The following ASIC2 variants were observed in gnomAD, a reference collection of about 807,000 sequenced individuals.
The protein encoded by ASIC2 is acid sensing ion channel subunit 2.
Under a neutral mutation model 57.3 loss-of-function variants are expected in ASIC2, and 25 were observed. The observed-to-expected ratio is 0.44, with a 90% CI of 0.32 to 0.61. The LOEUF is 0.61. Ranked by LOEUF, ASIC2 falls within the 20% of genes least tolerant of loss-of-function variation. ASIC2 has a pLI of 0.06. For synonymous variants in ASIC2, 319 were observed against 307.5 expected (o/e 1.04, Z -0.39); for missense variants, 641 against 738.1 (o/e 0.87, Z 1.52).
chr17:33,089,282 G>T (rs1339270113), intron 2 of ASIC2, among the ~76,000 whole-genome samples: 1 of 152,166 alleles, frequency 6.6e-6, no homozygotes, highest in African/African-American at 2.4e-5. Flanking sequence ...GAGGCAGGAG[G>T]ATCAAGGTCA....
At position 33,690,743 on chromosome 17, in the gene ASIC2, G is replaced by GTTT. The variant is rs527881591; in HGVS notation, c.555+465232_555+465234dup. On this transcript the variant is annotated intron_variant, in intron 1 of 9. Transcript: ENST00000359872. ...GTAATCTAGACAGTTACTCTTCATT[G>GTTT]TTTTTTTTTTTTTTTTTTTTTTTTG... Among the ~76,000 whole-genome samples the GTTT allele has an allele frequency of 4.2e-3, 340 of 81,686 alleles. 5 individuals carry two copies. Among genetic ancestry groups the GTTT allele is most frequent in the Non-Finnish European group, 5.5e-3 (255 of 46,100 alleles). 53.6% of individuals were successfully genotyped at this position (81,686 alleles called of 152,430 possible).
chr17:34,138,869 A>G (rs1598044388), intron 1 of ASIC2, among the ~76,000 whole-genome samples: 2 of 152,218 alleles, frequency 1.3e-5, no homozygotes, highest in South Asian at 4.1e-4. Flanking sequence ...CACCTAGGCA[A>G]TGATCACACA....
At chr17:33,074,074 C>G (rs979237109) in intron 3 of ASIC2, among the ~76,000 whole-genome samples, 1 of 152,178 alleles carries the variant, frequency 6.6e-6, no homozygotes, top group African/African-American at 2.4e-5. Context: ...TGGCTCTAGC[C>G]TCCGAGGCTC....
chr17:34,087,687 T>C, intron 1 of ASIC2, among the ~76,000 whole-genome samples: 1 of 151,260 alleles, frequency 6.6e-6, no homozygotes. Context: ...CAATCAGACG[T>C]AGATTTGGTC....
intron 1 of ASIC2, among the ~76,000 whole-genome samples, chr17:33,777,302 A>T (rs920606412): frequency 6.6e-5 from 10 of 152,252 alleles, no homozygotes; most frequent in Non-Finnish European, 1.3e-4. Context: ...GCATGTGTAT[A>T]AGCCATAATG....
At chr17:34,110,703 G>A (rs1397153545) in intron 1 of ASIC2, among the ~76,000 whole-genome samples, 1 of 152,182 alleles carries the variant, frequency 6.6e-6, no homozygotes, top group Non-Finnish European at 1.5e-5. Flanking sequence ...CCCATGCTGA[G>A]GTCAGATAGT....
At chr17:33,298,848 A>G (rs1039042533) in intron 1 of ASIC2, among the ~76,000 whole-genome samples, 8 of 152,220 alleles carry the variant, frequency 5.3e-5, no homozygotes, top group Non-Finnish European at 1.2e-4. Context: ...AATTGCTTCA[A>G]AGCGAATAAA....
intron 1 of ASIC2, among the ~76,000 whole-genome samples, chr17:33,678,796 G>A (rs961746378): frequency 6.6e-6 from 1 of 152,128 alleles, no homozygotes; most frequent in Non-Finnish European, 1.5e-5. Flanking sequence ...ATCCCAGGGG[G>A]CATCAGTCAG....
chr17:33,084,027 G>A (rs1456141401), intron 3 of ASIC2, among the ~76,000 whole-genome samples: 4 of 152,118 alleles, frequency 2.6e-5, no homozygotes, highest in African/African-American at 7.2e-5. Flanking sequence ...GCTGGGGAGA[G>A]GGTTTATCTC....
rs574475630 is a variant in ASIC2, at chr17:33,838,423, T to C, written c.555+317555A>G. Among the ~76,000 whole-genome samples, 21 of 152,232 alleles carry C rather than the reference T, an allele frequency of 1.4e-4. 1 individual carries two copies. In the South Asian group the frequency reaches 4.4e-3, roughly 32 times the overall value. Reference sequence around the variant, plus strand: ...GATCATGTTCTTTACCCCTGAATAGTTTTCCTAGTCATTCAGTACAATCCT... The same window carrying C: ...GATCATGTTCTTTACCCCTGAATAGCTTTCCTAGTCATTCAGTACAATCCT... On this transcript the variant is annotated intron_variant, in intron 1 of 9. Transcript: ENST00000359872.
intron 1 of ASIC2, among the ~76,000 whole-genome samples, chr17:33,208,555 TTCA>T (rs1907155786): frequency 6.6e-6 from 1 of 152,164 alleles, no homozygotes; most frequent in African/African-American, 2.4e-5. Context: ...AGGTTTCAGC[TTCA>T]AAGTGACCTC....
intron 1 of ASIC2, among the ~76,000 whole-genome samples, chr17:33,506,362 A>C (rs1349590495): frequency 6.6e-6 from 1 of 151,512 alleles, no homozygotes; most frequent in African/African-American, 2.4e-5. Flanking sequence ...GCAGCGAGCC[A>C]AGATCTGGCC....
intron 1 of ASIC2, among the ~76,000 whole-genome samples, chr17:33,965,876 C>T (rs2141994956): frequency 6.6e-6 from 1 of 152,282 alleles, no homozygotes; most frequent in South Asian, 2.1e-4. Flanking sequence ...TCCTTTCATG[C>T]CAGGGAAGGG....
intron 1 of ASIC2, among the ~76,000 whole-genome samples, chr17:33,600,418 G>A (rs1291792442): frequency 1.3e-5 from 2 of 152,166 alleles, no homozygotes; most frequent in Non-Finnish European, 1.5e-5. Context: ...CCTGGTCTGT[G>A]GCATTCTGTT....
At chr17:33,631,339 T>TTTGGG (rs56811666) in intron 1 of ASIC2, among the ~76,000 whole-genome samples, 1 of 149,456 alleles carries the variant, frequency 6.7e-6, no homozygotes, top group Non-Finnish European at 1.5e-5. Context: ...TTTTTTTTTT[T>TTTGGG]GGAGGGAGAG....
At chr17:33,369,527 A>G (rs1441545511) in intron 1 of ASIC2, among the ~76,000 whole-genome samples, 1 of 152,210 alleles carries the variant, frequency 6.6e-6, no homozygotes, top group Non-Finnish European at 1.5e-5. Context: ...ATAACATAGC[A>G]TGATGCACAG....
At chr17:33,838,608 G>A (rs79024608) in intron 1 of ASIC2, among the ~76,000 whole-genome samples, 2,936 of 152,230 alleles carry the variant, frequency 0.019, 99 homozygotes, top group African/African-American at 0.067. Flanking sequence ...TTTAATTGCC[G>A]TAGAACTGGG....
chr17:33,867,163 G>A (rs1914262672), intron 1 of ASIC2, among the ~76,000 whole-genome samples: 1 of 152,038 alleles, frequency 6.6e-6, no homozygotes, highest in Admixed American at 6.5e-5. Context: ...ACTTTCAAAA[G>A]TATCAGAAAG....
chr17:33,395,040 C>A (rs1342726436), intron 1 of ASIC2, among the ~76,000 whole-genome samples: 1 of 142,942 alleles, frequency 7.0e-6, no homozygotes, highest in African/African-American at 2.5e-5. Flanking sequence ...ATCTATCCAT[C>A]CTTCCATCCA....
Sources: allele counts gnomAD v4.1 joint callset (sites outside exome capture counted in the v4.1 genomes callset), GRCh38; gene constraint gnomAD v4.1.1; transcripts MANE v1.5; gene names NCBI Gene and HGNC (gene_info 2026-07-23, HGNC 2026-07-21).